Variants in LRRC4C observed in about 807,000 individuals in gnomAD.
LRRC4C encodes leucine rich repeat containing 4C, also known as leucine-rich repeat-containing protein 4C.
LRRC4C carries 5 observed loss-of-function variants against 33.6 expected under a neutral mutation model. The ratio of observed to expected loss-of-function variants is 0.15; its 90% confidence interval spans 0.08 to 0.31. The LOEUF (loss-of-function observed/expected upper bound fraction) is 0.31. Among genes scored for constraint, LRRC4C ranks in the 10% least tolerant of loss-of-function variants. The probability of loss-of-function intolerance (pLI) is 1.00; values close to 1 mark genes in which losing one functional copy is unlikely to be tolerated. For missense variants in LRRC4C, 560 were observed against 796.7 expected, an observed-to-expected ratio of 0.70 and a Z score of 3.58; for synonymous variants, 329 against 302.0, an observed-to-expected ratio of 1.09 and a Z score of -0.93.
intron 3 of LRRC4C, among the ~76,000 whole-genome samples, chr11:40,385,350 A>T (rs568080287): frequency 6.6e-6 from 1 of 152,368 alleles, no homozygotes; most frequent in Non-Finnish European, 1.5e-5. Flanking sequence ...TCTGCTTAGC[A>T]GAGAACTCTC....
chr11:40,361,932 A>C (rs897018351), intron 3 of LRRC4C, among the ~76,000 whole-genome samples: 2 of 152,190 alleles, frequency 1.3e-5, no homozygotes, highest in Admixed American at 6.5e-5. Context: ...CCAATGGAAC[A>C]GAATAGAGAA....
intron 2 of LRRC4C, among the ~76,000 whole-genome samples, chr11:40,886,965 TATAC>T (rs1265272919): frequency 6.8e-6 from 1 of 147,424 alleles, no homozygotes; most frequent in African/African-American, 2.5e-5. Flanking sequence ...TGTGTATATA[TATAC>T]ATATATATAT....
At chr11:40,788,760 T>C (rs953252180) in intron 2 of LRRC4C, among the ~76,000 whole-genome samples, 1 of 152,096 alleles carries the variant, frequency 6.6e-6, no homozygotes, top group Non-Finnish European at 1.5e-5. Context: ...CCTATTGGGA[T>C]ACAAAAAGGC....
At chr11:40,168,513 A>G (rs1028297025) in intron 5 of LRRC4C, among the ~76,000 whole-genome samples, 2 of 152,174 alleles carry the variant, frequency 1.3e-5, no homozygotes, top group African/African-American at 2.4e-5. Context: ...AACCTGAAAA[A>G]TCTCCACAGT....
intron 2 of LRRC4C, among the ~76,000 whole-genome samples, chr11:40,663,284 T>C (rs993124584): frequency 6.6e-6 from 1 of 152,162 alleles, no homozygotes; most frequent in Non-Finnish European, 1.5e-5. Context: ...GGTTTCGCCA[T>C]GTTGTTCAAG....
intron 3 of LRRC4C, among the ~76,000 whole-genome samples, chr11:40,642,017 G>A (rs972580204): frequency 2.4e-5 from 3 of 126,726 alleles, no homozygotes; most frequent in Admixed American, 8.7e-5. Flanking sequence ...GTCACCACAG[G>A]CTGCTTTTTT....
At chr11:41,264,185 G>A (rs978615060) in intron 1 of LRRC4C, among the ~76,000 whole-genome samples, 27 of 150,346 alleles carry the variant, frequency 1.8e-4, no homozygotes, top group African/African-American at 6.4e-4. Flanking sequence ...TCCGCCTCCT[G>A]GGTTCAGGCA....
chr11:40,149,275 G>T (rs1857992567), intron 5 of LRRC4C, among the ~76,000 whole-genome samples: 1 of 152,144 alleles, frequency 6.6e-6, no homozygotes, highest in African/African-American at 2.4e-5. Flanking sequence ...ATTGCCTTGG[G>T]CAGTATAGCC....
chr11:40,645,974 T>A (rs1428903901), intron 3 of LRRC4C, among the ~76,000 whole-genome samples: 3 of 152,138 alleles, frequency 2.0e-5, no homozygotes, highest in Non-Finnish European at 4.4e-5. Context: ...CTCTTACTTT[T>A]GTCCCTGCAT....
At chr11:40,722,374 C>T (rs758226777) in intron 2 of LRRC4C, among the ~76,000 whole-genome samples, 1 of 152,180 alleles carries the variant, frequency 6.6e-6, no homozygotes, top group South Asian at 2.1e-4. Flanking sequence ...CCAGCCTTTA[C>T]TCTTACGCGC....
intron 1 of LRRC4C, among the ~76,000 whole-genome samples, chr11:40,996,627 A>G (rs537815688): frequency 6.6e-6 from 1 of 152,252 alleles, no homozygotes; most frequent in East Asian, 1.9e-4. Context: ...AGTAATTTAT[A>G]AAGGAAAGAG....
intron 3 of LRRC4C, among the ~76,000 whole-genome samples, chr11:40,323,865 A>G (rs7101569): frequency 0.97 from 148,294 of 152,278 alleles, 72,337 homozygotes; most frequent in Middle Eastern, 1. Flanking sequence ...AGGTGGTATC[A>G]GAGGTAGCTA....
chr11:40,335,109 A>C, intron 3 of LRRC4C, among the ~76,000 whole-genome samples: 1 of 152,332 alleles, frequency 6.6e-6, no homozygotes, highest in Non-Finnish European at 1.5e-5. Flanking sequence ...TTTATAAATT[A>C]AAACATTTAT....
At chr11:41,266,121 C>A (rs1459583350) in intron 1 of LRRC4C, among the ~76,000 whole-genome samples, 1 of 152,026 alleles carries the variant, frequency 6.6e-6, no homozygotes, top group African/African-American at 2.4e-5. Flanking sequence ...TTTAACTAAT[C>A]TCCTTCATAT....
chr11:41,208,639 A>G (rs1260967682), intron 1 of LRRC4C, among the ~76,000 whole-genome samples: 1 of 152,212 alleles, frequency 6.6e-6, no homozygotes, highest in Non-Finnish European at 1.5e-5. Flanking sequence ...GGCCTCAGAG[A>G]TCCTACAGGA....
chr11:40,900,043 T>C (rs1956137991), intron 2 of LRRC4C, among the ~76,000 whole-genome samples: 1 of 152,144 alleles, frequency 6.6e-6, no homozygotes, highest in African/African-American at 2.4e-5. Context: ...ATTATTACTA[T>C]TGTGGATATG....
intron 1 of LRRC4C, among the ~76,000 whole-genome samples, chr11:41,186,059 A>C (rs980463174): frequency 6.6e-6 from 1 of 152,128 alleles, no homozygotes; most frequent in Non-Finnish European, 1.5e-5. Context: ...CAGCCTTGAT[A>C]ATTATAAAAG....
At chr11:40,165,927 G>A (rs917578698) in intron 5 of LRRC4C, among the ~76,000 whole-genome samples, 2 of 152,090 alleles carry the variant, frequency 1.3e-5, no homozygotes, top group African/African-American at 4.8e-5. Flanking sequence ...CCCGGGCAAG[G>A]AGAGCGAAAC....
rs201683790 is a variant in LRRC4C, at chr11:40,341,741, GAC to G, written c.-269-22022_-269-22021del. Among the ~76,000 whole-genome samples, 1,360 of 152,160 alleles carry G rather than the reference GAC, an allele frequency of 8.9e-3. 19 individuals are homozygous for G. The highest frequency in any genetic ancestry group is 0.032 in the African/African-American group (1,311 of 41,512). On this transcript the variant is annotated intron_variant, in intron 3 of 6. Transcript: ENST00000528697. ...CTTTGTCTTCTTTCAGAGTTCAAAA[GAC>G]AGAAAAAAAGATAGTCATCACAGTT... is the stretch of plus-strand genomic sequence containing the variant.
Sources: gnomAD v4.1 joint callset for allele counts (sites outside exome capture counted in the v4.1 genomes callset) on GRCh38, gnomAD v4.1.1 for gene constraint, MANE v1.5 for transcripts, NCBI Gene and HGNC (gene_info 2026-07-23, HGNC 2026-07-21) for gene names.